The following FAM184B variants were observed in gnomAD, a reference collection of about 807,000 sequenced individuals.
FAM184B encodes the protein protein FAM184B.
FAM184B carries 111 observed loss-of-function variants against 135.9 expected under a neutral mutation model. The observed-to-expected ratio is 0.82, with a 90% CI of 0.70 to 0.96. The LOEUF (loss-of-function observed/expected upper bound fraction) is 0.96, where lower values mean the gene tolerates loss of function less well. Among genes scored for constraint, FAM184B ranks in the 40% least tolerant of loss-of-function variants. The pLI is 0.00. For missense variants in FAM184B, 1,375 were observed against 1,323.9 expected (o/e 1.04, Z -0.60); for synonymous variants, 552 against 524.8 (o/e 1.05, Z -0.71).
At chr4:17,701,909 G>T (rs1716993351) in intron 5 of FAM184B, among the ~76,000 whole-genome samples, 1 of 152,168 alleles carries the variant, frequency 6.6e-6, no homozygotes, top group African/African-American at 2.4e-5. Context: ...CTTGAAATGT[G>T]GCTAGTGCCA....
At chr4:17,746,853 C>T (rs1290391151) in intron 1 of FAM184B, among the ~76,000 whole-genome samples, 2 of 151,648 alleles carry the variant, frequency 1.3e-5, no homozygotes, top group Non-Finnish European at 2.9e-5. Flanking sequence ...GCCTGACCAA[C>T]ATGGAGAAAC....
At chr4:17,719,797 A>G (rs749824481) in intron 1 of FAM184B, among the ~76,000 whole-genome samples, 12 of 152,178 alleles carry the variant, frequency 7.9e-5, no homozygotes, top group East Asian at 1.9e-4. Flanking sequence ...ATTATCACCA[A>G]TCAGGCTTTT....
intron 10 of FAM184B, 43 bp downstream of exon 10, chr4:17,658,307 G>C (rs1192709184): frequency 2.0e-6 from 3 of 1,530,216 alleles, no homozygotes; most frequent in Non-Finnish European, 2.7e-6. Flanking sequence ...TTCTCACCTA[G>C]CAGGTGCCCG....
chr4:17,736,282 G>A lies in FAM184B; in HGVS notation c.142-26638C>T, dbSNP rs1276423359. Among the ~76,000 whole-genome samples, 3 of 152,140 alleles carry A rather than the reference G, an allele frequency of 2.0e-5. No homozygotes were observed. In the East Asian group the frequency reaches 5.8e-4, roughly 29 times the overall value. The stretch of plus-strand genomic sequence containing the variant: ...GCCTGTGTTCTTAACCACTGTGTAA[G>A]CCATTTAAAGAAAATAGGAGTACCA... On this transcript the variant is annotated intron_variant, in intron 1 of 17. Transcript: ENST00000265018.
At chr4:17,711,611 C>G (rs534360011) in intron 1 of FAM184B, among the ~76,000 whole-genome samples, 1 of 151,930 alleles carries the variant, frequency 6.6e-6, no homozygotes, top group African/African-American at 2.4e-5. Flanking sequence ...TACAGTGAGC[C>G]GTGATCCTGC....
At chr4:17,706,287 A>G (rs1354479693) in intron 3 of FAM184B, among the ~76,000 whole-genome samples, 2 of 152,152 alleles carry the variant, frequency 1.3e-5, no homozygotes, top group African/African-American at 4.8e-5. Context: ...CTCATGTCCC[A>G]CTTTTGAGAC....
chr4:17,743,048 G>A (rs886913891), intron 1 of FAM184B, among the ~76,000 whole-genome samples: 29 of 152,124 alleles, frequency 1.9e-4, no homozygotes, highest in African/African-American at 6.5e-4. Flanking sequence ...TCCAGTTCCC[G>A]CACTTACTGT....
At chr4:17,753,770 G>C (rs1718360168) in intron 1 of FAM184B, among the ~76,000 whole-genome samples, 1 of 152,240 alleles carries the variant, frequency 6.6e-6, no homozygotes, top group Non-Finnish European at 1.5e-5. Context: ...CAGAAGCACA[G>C]TCTTAGGTGA....
chr4:17,766,739 G>T (rs1235749421), intron 1 of FAM184B, among the ~76,000 whole-genome samples: 1 of 152,240 alleles, frequency 6.6e-6, no homozygotes, highest in Non-Finnish European at 1.5e-5. Flanking sequence ...GAGCCCAGCT[G>T]GTTTCACCTA....
chr4:17,669,541 G>A (rs1226956292), intron 7 of FAM184B, among the ~76,000 whole-genome samples: 1 of 152,196 alleles, frequency 6.6e-6, no homozygotes, highest in Non-Finnish European at 1.5e-5. Flanking sequence ...TCAATAGAAA[G>A]CACAAAATAT....
chr4:17,747,097 T>C (rs888539635), intron 1 of FAM184B, among the ~76,000 whole-genome samples: 2 of 151,764 alleles, frequency 1.3e-5, no homozygotes, highest in African/African-American at 2.4e-5. Context: ...TGAGAGCTTC[T>C]TAAGTTCTAC....
intron 7 of FAM184B, among the ~76,000 whole-genome samples, chr4:17,673,406 C>T (rs921372097): frequency 9.2e-5 from 14 of 152,140 alleles, no homozygotes; most frequent in African/African-American, 3.1e-4. Context: ...CCAGCAATCC[C>T]ACTACTGGGT....
intron 5 of FAM184B, among the ~76,000 whole-genome samples, chr4:17,696,526 G>C (rs764563499): frequency 6.6e-6 from 1 of 152,170 alleles, no homozygotes; most frequent in Non-Finnish European, 1.5e-5. Context: ...GAACTAAAAG[G>C]CTGGAACCAT....
chr4:17,732,290 G>T (rs557600206), intron 1 of FAM184B, among the ~76,000 whole-genome samples: 30 of 152,156 alleles, frequency 2.0e-4, no homozygotes, highest in African/African-American at 7.2e-4. Context: ...AAAAGCAAGA[G>T]CAAACACATT....
chr4:17,641,853 C>G (rs1232747830), intron 13 of FAM184B, among the ~76,000 whole-genome samples: 2 of 151,938 alleles, frequency 1.3e-5, no homozygotes, highest in South Asian at 2.1e-4. Context: ...TCCAGAATTT[C>G]TGGAGCTCTG....
intron 11 of FAM184B, 112 bp downstream of exon 11, chr4:17,652,718 G>A (rs2302393): frequency 0.6 from 753,667 of 1,261,140 alleles, 232,228 homozygotes; most frequent in East Asian, 0.91. Context: ...TCCCGGAGCC[G>A]TGGCCTGTGA....
intron 7 of FAM184B, among the ~76,000 whole-genome samples, chr4:17,677,299 T>G (rs192506106): frequency 2.0e-5 from 3 of 152,258 alleles, no homozygotes; most frequent in Admixed American, 2.0e-4. Flanking sequence ...CTGCCCACAT[T>G]GACCTCCCAA....
At chr4:17,645,128 A>G (rs1393033574) in intron 12 of FAM184B, among the ~76,000 whole-genome samples, 2 of 152,248 alleles carry the variant, frequency 1.3e-5, no homozygotes, top group Non-Finnish European at 2.9e-5. Context: ...GATAGGAAGA[A>G]TCAATATTGT....
At chr4:17,708,277 C>T (rs1009979013) in intron 2 of FAM184B, among the ~76,000 whole-genome samples, 8 of 152,096 alleles carry the variant, frequency 5.3e-5, no homozygotes, top group Non-Finnish European at 8.8e-5. Flanking sequence ...AGTTCTCCAA[C>T]GTTAGGGACC....
Sources: allele counts gnomAD v4.1 joint callset (sites outside exome capture counted in the v4.1 genomes callset), GRCh38; gene constraint gnomAD v4.1.1; transcripts MANE v1.5; gene names NCBI Gene and HGNC (gene_info 2026-07-23, HGNC 2026-07-21).